Variants in CNTN4 observed in about 807,000 individuals in gnomAD.
CNTN4 encodes the protein contactin 4, also known as contactin-4.
CNTN4 carries 77 observed loss-of-function variants against 122.5 expected under a neutral mutation model. The observed-to-expected ratio is 0.63, with a 90% CI of 0.52 to 0.76. The LOEUF (loss-of-function observed/expected upper bound fraction) is 0.76. Ranked by LOEUF, CNTN4 falls within the 30% of genes least tolerant of loss-of-function variation. The pLI is 0.00. For missense variants in CNTN4, 1,256 were observed against 1,259.1 expected, an observed-to-expected ratio of 1.00 and a Z score of 0.04; for synonymous variants, 512 against 447.0, an observed-to-expected ratio of 1.15 and a Z score of -1.83.
At chr3:2,999,489 C>G (rs1695834537) in intron 14 of CNTN4, among the ~76,000 whole-genome samples, 1 of 152,024 alleles carries the variant, frequency 6.6e-6, no homozygotes, top group South Asian at 2.1e-4. Flanking sequence ...TCTCATGGCT[C>G]TCGGGGCTGG....
intron 14 of CNTN4, among the ~76,000 whole-genome samples, chr3:2,998,893 CT>C (rs1288273757): frequency 6.6e-6 from 1 of 152,316 alleles, no homozygotes; most frequent in East Asian, 1.9e-4. Context: ...AGAAATTTTG[CT>C]TCTTCTAAGA....
At chr3:2,718,188 G>T in intron 4 of CNTN4, among the ~76,000 whole-genome samples, 1 of 151,626 alleles carries the variant, frequency 6.6e-6, no homozygotes, top group African/African-American at 2.4e-5. Flanking sequence ...TTTTCTCATT[G>T]ACCAAAATAG....
chr3:2,220,598 T>C (rs1197413723), intron 2 of CNTN4, among the ~76,000 whole-genome samples: 1 of 152,126 alleles, frequency 6.6e-6, no homozygotes, highest in Non-Finnish European at 1.5e-5. Context: ...CTGTTTTACG[T>C]CTGTTTTAGC....
At chr3:2,122,480 G>C (rs776845341) in intron 2 of CNTN4, among the ~76,000 whole-genome samples, 1 of 152,112 alleles carries the variant, frequency 6.6e-6, no homozygotes, top group Non-Finnish European at 1.5e-5. Context: ...CCTGCGAAGA[G>C]TATTTATTCC....
intron 7 of CNTN4, among the ~76,000 whole-genome samples, chr3:2,849,679 G>C (rs949054196): frequency 6.6e-6 from 1 of 152,208 alleles, no homozygotes; most frequent in African/African-American, 2.4e-5. Flanking sequence ...GGTTGGGATT[G>C]ATGGACGTCA....
chr3:2,708,645 CTTCATGTACT>C (rs1285081728), intron 4 of CNTN4, among the ~76,000 whole-genome samples: 2 of 150,692 alleles, frequency 1.3e-5, no homozygotes, highest in Admixed American at 6.7e-5. Context: ...ATCTGGAGAC[CTTCATGTACT>C]TCCTAGAGAG....
chr3:2,478,950 T>C (rs927051940), intron 3 of CNTN4, among the ~76,000 whole-genome samples: 1 of 152,132 alleles, frequency 6.6e-6, no homozygotes, highest in Non-Finnish European at 1.5e-5. Flanking sequence ...AATATCTTGA[T>C]CACAGCTTTG....
At chr3:2,500,757 A>T (rs1377629670) in intron 3 of CNTN4, among the ~76,000 whole-genome samples, 2 of 151,862 alleles carry the variant, frequency 1.3e-5, no homozygotes, top group Non-Finnish European at 2.9e-5. Flanking sequence ...TTTTTTTCTT[A>T]ATTTTTTCTA....
intron 3 of CNTN4, among the ~76,000 whole-genome samples, chr3:2,541,399 C>T (rs953416352): frequency 6.6e-6 from 1 of 151,968 alleles, no homozygotes; most frequent in Non-Finnish European, 1.5e-5. Flanking sequence ...CTATTATGCA[C>T]CTTATTTTGC....
At chr3:2,243,523 T>G (rs557796605) in intron 2 of CNTN4, among the ~76,000 whole-genome samples, 179 of 152,100 alleles carry the variant, frequency 1.2e-3, no homozygotes, top group Non-Finnish European at 2.1e-3. Flanking sequence ...TGTGATTTTT[T>G]TTTAGCTCAC....
intron 6 of CNTN4, among the ~76,000 whole-genome samples, chr3:2,757,093 T>C (rs1576675809): frequency 6.6e-6 from 1 of 152,330 alleles, no homozygotes; most frequent in African/African-American, 2.4e-5. Flanking sequence ...ATTAAAGAAA[T>C]GGCCTCTATC....
At chr3:2,986,649 C>T (rs1352800973) in intron 13 of CNTN4, among the ~76,000 whole-genome samples, 2 of 152,214 alleles carry the variant, frequency 1.3e-5, no homozygotes, top group African/African-American at 4.8e-5. Flanking sequence ...TGAAGTGAGG[C>T]TCTGCCCATC....
At chr3:2,695,839 G>C (rs1163855218) in intron 4 of CNTN4, among the ~76,000 whole-genome samples, 1 of 152,090 alleles carries the variant, frequency 6.6e-6, no homozygotes, top group Non-Finnish European at 1.5e-5. Context: ...CTGAAATTAT[G>C]AGCAAATGTT....
intron 3 of CNTN4, among the ~76,000 whole-genome samples, chr3:2,498,034 T>C (rs1026337391): frequency 6.6e-6 from 1 of 152,190 alleles, no homozygotes; most frequent in Non-Finnish European, 1.5e-5. Context: ...TATAGAAATA[T>C]AGTAAGTCAA....
At chr3:2,286,158 A>G (rs987358822) in intron 2 of CNTN4, among the ~76,000 whole-genome samples, 2 of 151,446 alleles carry the variant, frequency 1.3e-5, no homozygotes, top group African/African-American at 2.4e-5. Context: ...TTCTACTGGT[A>G]GGTTGAACTT....
rs559159019 is a variant in CNTN4, at chr3:2,566,529, A to C, written c.-88-4887A>C. Among the ~76,000 whole-genome samples the C allele has an allele frequency of 2.0e-5, 3 of 152,336 alleles. No homozygotes were observed. In the South Asian group the frequency reaches 6.2e-4, roughly 32 times the overall value. ...TGGCTGCCTGCTCTGGTGGTTCACT[A>C]TTCTATGTGCCTCTAAAATGTCAAT... On this transcript the variant is annotated intron_variant, in intron 3 of 24. Transcript: ENST00000418658.
At chr3:2,777,041 C>T (rs921295184) in intron 6 of CNTN4, among the ~76,000 whole-genome samples, 2 of 151,968 alleles carry the variant, frequency 1.3e-5, no homozygotes, top group Non-Finnish European at 2.9e-5. Context: ...AGCGCAGTGG[C>T]TCAATCTTGG....
intron 13 of CNTN4, among the ~76,000 whole-genome samples, chr3:2,934,296 A>C (rs1010117874): frequency 1.3e-5 from 2 of 152,224 alleles, no homozygotes; most frequent in East Asian, 1.9e-4. Flanking sequence ...AAAATATCCA[A>C]CTGAAATAAG....
intron 3 of CNTN4, among the ~76,000 whole-genome samples, chr3:2,442,853 A>G (rs17014429): frequency 0.045 from 6,810 of 152,266 alleles, 214 homozygotes; most frequent in East Asian, 0.15. Flanking sequence ...TCTTTATTCC[A>G]AGTTTAATTT....
Sources: gnomAD v4.1 joint callset for allele counts (sites outside exome capture counted in the v4.1 genomes callset) on GRCh38, gnomAD v4.1.1 for gene constraint, MANE v1.5 for transcripts, NCBI Gene and HGNC (gene_info 2026-07-23, HGNC 2026-07-21) for gene names.